The following SDK1 variants were observed in gnomAD, a reference collection of about 807,000 sequenced individuals.
SDK1 encodes the protein sidekick cell adhesion molecule 1, also known as protein sidekick-1.
In SDK1, 157 loss-of-function variants were observed where a neutral mutation model predicts 245.5. That is an observed-to-expected ratio of 0.64 (90% CI 0.56 to 0.73). The LOEUF is 0.73. Ranked by LOEUF, SDK1 falls within the 30% of genes least tolerant of loss-of-function variation. The pLI, the probability that SDK1 is intolerant of heterozygous loss-of-function variation, is 0.00. For synonymous variants in SDK1, 1,647 were observed against 1,278.5 expected (o/e 1.29, Z -6.15); for missense variants, 3,583 against 3,002.3 (o/e 1.19, Z -4.52).
At chr7:3,886,013 C>G (rs974170565) in intron 5 of SDK1, among the ~76,000 whole-genome samples, 3 of 151,918 alleles carry the variant, frequency 2.0e-5, no homozygotes, top group East Asian at 3.9e-4. Flanking sequence ...GGAGGTGATC[C>G]TAGGAGGCGG....
chr7:3,473,825 C>T (rs1269097672), intron 1 of SDK1, among the ~76,000 whole-genome samples: 1 of 152,044 alleles, frequency 6.6e-6, no homozygotes, highest in Non-Finnish European at 1.5e-5. Flanking sequence ...TTTTAGACCA[C>T]CGTATGGTCT....
rs776082337 is a variant in SDK1 at position 4,114,243 on chromosome 7, C to T, written c.3792C>T (p.Ser1264=). 18 of 1,611,298 alleles carry T rather than the reference C, an allele frequency of 1.1e-5. No individual in the cohort carries two copies. Among genetic ancestry groups the T allele is most frequent in the Admixed American group, 6.7e-5 (4 of 59,772 alleles). ...ACGCCGTCGGGGCTGGGCCGTGGAGCGAGGTGGTGCGGGGCCGGACGCGGG... is the reference window on the plus strand; with the variant it reads ...ACGCCGTCGGGGCTGGGCCGTGGAGTGAGGTGGTGCGGGGCCGGACGCGGG... ...AFNAVGAGPW[S]EVVRGRTRES... Residue 1264 remains serine (S), a synonymous_variant, in exon 25 of 45, where the codon AGC becomes AGT. Transcript: ENST00000404826.
At chr7:4,117,390 C>T (rs116378089) in intron 25 of SDK1, among the ~76,000 whole-genome samples, 6,558 of 152,268 alleles carry the variant, frequency 0.043, 486 homozygotes, top group African/African-American at 0.15. Flanking sequence ...ATGGCTTGGG[C>T]CTGGGAGTTT....
At chr7:3,581,054 T>C (rs1167024581) in intron 1 of SDK1, among the ~76,000 whole-genome samples, 5 of 149,684 alleles carry the variant, frequency 3.3e-5, no homozygotes, top group Non-Finnish European at 7.4e-5. Flanking sequence ...AGAACTGGCG[T>C]TAATTGTATG....
chr7:3,683,513 A>G (rs1389584444), intron 4 of SDK1, among the ~76,000 whole-genome samples: 1 of 152,236 alleles, frequency 6.6e-6, no homozygotes, highest in Non-Finnish European at 1.5e-5. Flanking sequence ...CATGAGGACA[A>G]GAAACTCACA....
At chr7:3,914,650 A>AT (rs1779303704) in intron 5 of SDK1, among the ~76,000 whole-genome samples, 1 of 152,094 alleles carries the variant, frequency 6.6e-6, no homozygotes, top group African/African-American at 2.4e-5. Context: ...TTGCAAAATG[A>AT]TTTTTTGCTT....
At chr7:3,633,203 G>T (rs1424957767) in intron 2 of SDK1, among the ~76,000 whole-genome samples, 2 of 152,050 alleles carry the variant, frequency 1.3e-5, no homozygotes, top group Non-Finnish European at 2.9e-5. Flanking sequence ...AAGTTGTGGA[G>T]AATAGTCTTA....
intron 14 of SDK1, among the ~76,000 whole-genome samples, chr7:3,995,934 A>G (rs897696816): frequency 7.2e-5 from 11 of 151,992 alleles, no homozygotes; most frequent in African/African-American, 2.2e-4. Context: ...AGTTAAATCT[A>G]TTGATGTTTT....
At chr7:3,527,544 C>G (rs1308330882) in intron 1 of SDK1, among the ~76,000 whole-genome samples, 1 of 152,140 alleles carries the variant, frequency 6.6e-6, no homozygotes, top group Non-Finnish European at 1.5e-5. Context: ...TGATAGTTGG[C>G]TAGTGGGTGA....
At chr7:3,893,737 A>G (rs944501174) in intron 5 of SDK1, among the ~76,000 whole-genome samples, 5 of 150,554 alleles carry the variant, frequency 3.3e-5, no homozygotes, top group African/African-American at 9.8e-5. Context: ...GGATCTGCCC[A>G]GGGTCCCACA....
chr7:3,555,367 C>G (rs1279365240), intron 1 of SDK1, among the ~76,000 whole-genome samples: 1 of 152,138 alleles, frequency 6.6e-6, no homozygotes, highest in Non-Finnish European at 1.5e-5. Flanking sequence ...GCTGGGAAAA[C>G]TGGATATCCA....
intron 1 of SDK1, among the ~76,000 whole-genome samples, chr7:3,454,159 A>T (rs999873959): frequency 6.6e-6 from 1 of 152,144 alleles, no homozygotes; most frequent in Admixed American, 6.6e-5. Context: ...TTGCCTGCTT[A>T]CTCATTCTAT....
chr7:4,074,799 G>A (rs1313714455), intron 20 of SDK1, among the ~76,000 whole-genome samples: 1 of 145,796 alleles, frequency 6.9e-6, no homozygotes, highest in Non-Finnish European at 1.5e-5. Context: ...GTGGTTCAAG[G>A]TTGCAGTGAG....
intron 22 of SDK1, among the ~76,000 whole-genome samples, chr7:4,084,401 C>T (rs540899815): frequency 6.6e-6 from 1 of 152,284 alleles, no homozygotes; most frequent in South Asian, 2.1e-4. Context: ...GGGAGGCTTT[C>T]GTATCCTGGG....
chr7:4,084,343 T>G (rs1051575901), intron 22 of SDK1, among the ~76,000 whole-genome samples: 9 of 152,344 alleles, frequency 5.9e-5, no homozygotes, highest in Middle Eastern at 3.4e-3. Flanking sequence ...TTCAGTCACC[T>G]GCAGTCATTA....
chr7:3,623,245 CTTTTTTT>C (rs1183056855), intron 2 of SDK1, among the ~76,000 whole-genome samples: 43 of 117,992 alleles, frequency 3.6e-4, no homozygotes, highest in East Asian at 2.0e-3. Context: ...TGTTGTATTT[CTTTTTTT>C]TTTTTTTTTT....
chr7:3,338,414 C>T (rs1348300820), intron 1 of SDK1: 3 of 527,798 alleles, frequency 5.7e-6, no homozygotes, highest in East Asian at 5.0e-5. Context: ...ACATTAAGCA[C>T]TCTTAAGAGC....
chr7:3,715,795 G>A (rs1785185362), intron 4 of SDK1, among the ~76,000 whole-genome samples: 1 of 152,066 alleles, frequency 6.6e-6, no homozygotes, highest in Admixed American at 6.6e-5. Context: ...TGAATGAGAA[G>A]ACACAATCAA....
At chr7:3,768,707 TAC>T (rs954740400) in intron 4 of SDK1, among the ~76,000 whole-genome samples, 6 of 152,206 alleles carry the variant, frequency 3.9e-5, no homozygotes, top group African/African-American at 1.4e-4. Context: ...GAGCTGTAGG[TAC>T]ACGTTTATGC....
Sources: gnomAD v4.1 joint callset for allele counts (sites outside exome capture counted in the v4.1 genomes callset) on GRCh38, gnomAD v4.1.1 for gene constraint, MANE v1.5 for transcripts, NCBI Gene and HGNC (gene_info 2026-07-23, HGNC 2026-07-21) for gene names.